SNTG1: variants seen among roughly 807,000 people sequenced by gnomAD.
SNTG1 encodes gamma-1-syntrophin.
In SNTG1, 39 loss-of-function variants were observed where a neutral mutation model predicts 74.7. The ratio of observed to expected loss-of-function variants is 0.52; its 90% confidence interval spans 0.40 to 0.68. SNTG1 has a LOEUF of 0.68. SNTG1 is among the 30% of genes least tolerant of loss of function. The pLI is 0.00. For synonymous variants in SNTG1, 254 were observed against 217.1 expected (o/e 1.17, Z -1.49); for missense variants, 685 against 609.5 (o/e 1.12, Z -1.30).
At chr8:50,719,917 C>T (rs895711404) in intron 17 of SNTG1, among the ~76,000 whole-genome samples, 6 of 152,032 alleles carry the variant, frequency 3.9e-5, no homozygotes, top group African/African-American at 1.4e-4. Flanking sequence ...CTGTATACTC[C>T]TCTGAATTTT....
chr8:50,579,379 G>C (rs968524518), intron 12 of SNTG1, among the ~76,000 whole-genome samples: 1 of 152,184 alleles, frequency 6.6e-6, no homozygotes, highest in African/African-American at 2.4e-5. Context: ...ATGGAAAAGA[G>C]AACCCCGTTT....
chr8:50,363,360 T>C (rs1344469233), intron 2 of SNTG1, among the ~76,000 whole-genome samples: 1 of 152,168 alleles, frequency 6.6e-6, no homozygotes, highest in South Asian at 2.1e-4. Context: ...TTGTGGCCTA[T>C]GTGCAGGTAG....
intron 15 of SNTG1, among the ~76,000 whole-genome samples, chr8:50,686,508 C>G (rs1339032518): frequency 6.6e-5 from 10 of 152,088 alleles, no homozygotes; most frequent in Non-Finnish European, 8.8e-5. Flanking sequence ...AACTTGTATT[C>G]TCCTTTCTTT....
chr8:49,962,925 T>C (rs1810825819), intron 1 of SNTG1, among the ~76,000 whole-genome samples: 1 of 152,122 alleles, frequency 6.6e-6, no homozygotes, highest in African/African-American at 2.4e-5. Context: ...TCCCGGGCTG[T>C]TTGTAGCAGG....
Position 50,564,638 on chromosome 8 carries a change from T to C in SNTG1, c.810+11459T>C, listed in dbSNP as rs527308929. On this transcript the variant is annotated intron_variant, in intron 12 of 18. Coordinates refer to ENST00000642720, the MANE Select transcript of SNTG1 (RefSeq NM_018967.5). ...CTTTTCAAAGACTGAGATTTTAGTG[T>C]TGTTGCCTTCTTTCTTAGCTTACAA... is the stretch of plus-strand genomic sequence containing the variant. 2.6e-5 allele frequency among the ~76,000 whole-genome samples: 4 copies of C among 152,234 alleles called. No homozygotes were observed. The South Asian group carries it at 6.2e-4, about 24-fold the overall frequency.
chr8:50,183,713 T>C (rs990680313), intron 2 of SNTG1, among the ~76,000 whole-genome samples: 5 of 152,142 alleles, frequency 3.3e-5, no homozygotes, highest in African/African-American at 1.2e-4. Context: ...AAAGAAAACA[T>C]ACAACTATGC....
intron 1 of SNTG1, among the ~76,000 whole-genome samples, chr8:50,008,518 G>T (rs937407768): frequency 2.6e-5 from 4 of 152,096 alleles, no homozygotes; most frequent in African/African-American, 9.7e-5. Flanking sequence ...AATGTGATAT[G>T]TGGGCACATG....
At chr8:50,173,872 C>A (rs2082896781) in intron 2 of SNTG1, among the ~76,000 whole-genome samples, 1 of 152,160 alleles carries the variant, frequency 6.6e-6, no homozygotes, top group Non-Finnish European at 1.5e-5. Flanking sequence ...GCAGAACATG[C>A]AGGTTTGTTA....
intron 1 of SNTG1, among the ~76,000 whole-genome samples, chr8:50,133,055 C>T (rs1183151040): frequency 6.6e-6 from 1 of 152,096 alleles, no homozygotes; most frequent in Non-Finnish European, 1.5e-5. Flanking sequence ...ACTGTTAATT[C>T]CTCACTTTAT....
At chr8:49,919,104 TTCTG>T (rs1484041062) in intron 1 of SNTG1, among the ~76,000 whole-genome samples, 1 of 152,098 alleles carries the variant, frequency 6.6e-6, no homozygotes, top group East Asian at 1.9e-4. Context: ...ATGTTTCTGT[TTCTG>T]TCTGTCTCTT....
intron 1 of SNTG1, among the ~76,000 whole-genome samples, chr8:49,952,026 G>C (rs967749789): frequency 3.3e-5 from 5 of 152,042 alleles, no homozygotes; most frequent in African/African-American, 9.7e-5. Flanking sequence ...GTTGGAACTG[G>C]ATTGATCTCA....
intron 1 of SNTG1, among the ~76,000 whole-genome samples, chr8:50,137,978 C>G (rs1304084460): frequency 6.6e-6 from 1 of 152,152 alleles, no homozygotes; most frequent in Non-Finnish European, 1.5e-5. Context: ...AATTCTTCAG[C>G]CTTTCCATTA....
Position 49,912,210 on chromosome 8 carries a change from A to G in SNTG1, c.-124A>G, listed in dbSNP as rs1280947091. 1 of 152,222 alleles carries G rather than the reference A, an allele frequency of 6.6e-6. No homozygotes were observed. Among genetic ancestry groups the G allele is most frequent in the African/African-American group, 2.4e-5 (1 of 41,456 alleles). 9.4% of individuals were successfully genotyped at this position (152,222 alleles called of 1,614,324 possible). A position where few individuals can be genotyped will look rare whatever the true frequency, so the allele number is the denominator to read the frequency against. The stretch of plus-strand genomic sequence containing the variant: ...TCTACGTTAGAGAGACTGAAAAGAC[A>G]TCTAATTTCATTGCTCGGCAGGTAA... On this transcript the variant is annotated 5_prime_UTR_variant, in exon 1 of 19. Coordinates refer to ENST00000642720, the MANE Select transcript of SNTG1 (RefSeq NM_018967.5).
chr8:50,778,198 A>G (rs924806561), intron 18 of SNTG1, among the ~76,000 whole-genome samples: 7 of 152,208 alleles, frequency 4.6e-5, no homozygotes, highest in African/African-American at 1.4e-4. Flanking sequence ...CATGATTTAT[A>G]GTCCTTTGGG....
intron 1 of SNTG1, among the ~76,000 whole-genome samples, chr8:50,101,428 C>A (rs929385505): frequency 6.6e-6 from 1 of 152,138 alleles, no homozygotes; most frequent in African/African-American, 2.4e-5. Context: ...TTCTTCACAA[C>A]TTCTTCAGCA....
intron 13 of SNTG1, among the ~76,000 whole-genome samples, chr8:50,622,646 A>C (rs1452844949): frequency 6.6e-6 from 1 of 152,120 alleles, no homozygotes. Flanking sequence ...TGTGAATCTG[A>C]CCATTGGTAA....
intron 2 of SNTG1, among the ~76,000 whole-genome samples, chr8:50,246,022 A>G (rs2086383285): frequency 6.6e-6 from 1 of 151,808 alleles, no homozygotes; most frequent in Admixed American, 6.6e-5. Context: ...GGCTTTATCT[A>G]TTTTGTAATT....
At chr8:50,000,470 T>C (rs1814642080) in intron 1 of SNTG1, among the ~76,000 whole-genome samples, 3 of 152,172 alleles carry the variant, frequency 2.0e-5, no homozygotes, top group Admixed American at 2.0e-4. Context: ...AGTTATGTTT[T>C]TCTCCTTCTC....
chr8:50,020,578 A>G (rs1456808584), intron 1 of SNTG1, among the ~76,000 whole-genome samples: 1 of 152,158 alleles, frequency 6.6e-6, no homozygotes, highest in Admixed American at 6.6e-5. Flanking sequence ...TAATTCATTT[A>G]GGCACATCAT....
Sources: allele counts gnomAD v4.1 joint callset (sites outside exome capture counted in the v4.1 genomes callset), GRCh38; gene constraint gnomAD v4.1.1; transcripts MANE v1.5; gene names NCBI Gene and HGNC (gene_info 2026-07-23, HGNC 2026-07-21).